The following SPOPL variants were observed in gnomAD, a reference collection of about 807,000 sequenced individuals.
The protein encoded by SPOPL is speckle-type POZ protein-like.
A neutral mutation model predicts 53.8 loss-of-function variants in SPOPL; 23 were observed. The observed-to-expected ratio is 0.43, with a 90% CI of 0.31 to 0.61. The LOEUF is 0.61. Ranked by LOEUF, SPOPL falls within the 20% of genes least tolerant of loss-of-function variation. The pLI is 0.12. For missense variants in SPOPL, 442 were observed against 466.9 expected, an observed-to-expected ratio of 0.95 and a Z score of 0.49; for synonymous variants, 164 against 149.7, an observed-to-expected ratio of 1.10 and a Z score of -0.70.
intron 1 of SPOPL, among the ~76,000 whole-genome samples, chr2:138,541,758 A>T (rs554207619): frequency 2.6e-5 from 4 of 151,844 alleles, no homozygotes; most frequent in Non-Finnish European, 2.9e-5. Context: ...CTGATCTTAG[A>T]TATTTCTTGC....
intron 9 of SPOPL, 42 bp downstream of exon 9, chr2:138,564,892 A>G (rs1236583911): frequency 6.2e-7 from 1 of 1,613,548 alleles, no homozygotes; most frequent in Non-Finnish European, 8.5e-7. Context: ...CAACTTCAAT[A>G]TTTTTTCTCT....
chr2:138,545,574 T>TGA (rs1685175565), intron 1 of SPOPL, among the ~76,000 whole-genome samples: 1 of 148,236 alleles, frequency 6.7e-6, no homozygotes, highest in East Asian at 2.0e-4. Context: ...GCTGGGACTA[T>TGA]AGGCGCCTGC....
At chr2:138,527,589 T>C (rs1311460647) in intron 1 of SPOPL, among the ~76,000 whole-genome samples, 1 of 152,238 alleles carries the variant, frequency 6.6e-6, no homozygotes, top group African/African-American at 2.4e-5. Flanking sequence ...TCAATTGTAC[T>C]TTAAGAGAAA....
intron 1 of SPOPL, among the ~76,000 whole-genome samples, chr2:138,538,350 G>A (rs1053093420): frequency 1.8e-4 from 27 of 152,080 alleles, no homozygotes; most frequent in Admixed American, 1.6e-3. Flanking sequence ...CTTTAATTCT[G>A]TTAGTTTTTG....
intron 10 of SPOPL, among the ~76,000 whole-genome samples, chr2:138,568,014 C>T (rs1685700877): frequency 6.6e-6 from 1 of 152,086 alleles, no homozygotes; most frequent in South Asian, 2.1e-4. Flanking sequence ...GAGTAAGAAA[C>T]CAAACATAAT....
chr2:138,547,227 A>G (rs1004599650), intron 1 of SPOPL, among the ~76,000 whole-genome samples: 2 of 152,128 alleles, frequency 1.3e-5, no homozygotes, highest in Admixed American at 6.5e-5. Flanking sequence ...CAGCCTCCCA[A>G]AGTGCTGGGA....
At position 138,535,418 on chromosome 2, in the gene SPOPL, C is replaced by T. The variant is rs780521063; in HGVS notation, c.-60-14739C>T. On this transcript the variant is annotated intron_variant, in intron 1 of 10. Coordinates refer to ENST00000280098, the MANE Select transcript of SPOPL (RefSeq NM_001001664.3). ...TTCTATGTTTAATTTTTTGAGGAAT[C>T]CTTAAACTGTTTTCCACAGCGGTTA... Among the ~76,000 whole-genome samples the T allele has an allele frequency of 2.6e-5, 4 of 151,988 alleles. No homozygotes were observed. The South Asian group carries it at 8.3e-4, about 31-fold the overall frequency.
chr2:138,567,372 A>AGTGTGTGTGTGTGTGTGTGTGT (rs57208490), intron 10 of SPOPL, among the ~76,000 whole-genome samples: 4 of 113,038 alleles, frequency 3.5e-5, no homozygotes, highest in Non-Finnish European at 3.7e-5. Context: ...AGAGCAGTAT[A>AGTGTGTGTGTGTGTGTGTGTGT]GTGTGTGTGT....
intron 2 of SPOPL, 83 bp downstream of exon 2, chr2:138,550,377 C>A: frequency 6.3e-7 from 1 of 1,588,156 alleles, no homozygotes; most frequent in South Asian, 1.1e-5. Flanking sequence ...AACACTTTGC[C>A]ATAGTTATTA....
chr2:138,545,154 A>C (rs1316636074), intron 1 of SPOPL, among the ~76,000 whole-genome samples: 2 of 152,186 alleles, frequency 1.3e-5, no homozygotes, highest in African/African-American at 4.8e-5. Context: ...CCCTTCAGTC[A>C]GTCCTTCAGG....
chr2:138,512,908 A>G (rs1048148577), intron 1 of SPOPL, among the ~76,000 whole-genome samples: 2 of 152,236 alleles, frequency 1.3e-5, no homozygotes, highest in Admixed American at 6.5e-5. Flanking sequence ...GTACTTAGGC[A>G]TGGTGCCAAG....
chr2:138,515,885 C>A (rs115669200), intron 1 of SPOPL, among the ~76,000 whole-genome samples: 150 of 152,220 alleles, frequency 9.9e-4, no homozygotes, highest in African/African-American at 3.5e-3. Flanking sequence ...GGTAGAGCAG[C>A]CATTTGGTAA....
chr2:138,566,310 A>G (rs577218244), intron 10 of SPOPL, among the ~76,000 whole-genome samples: 1 of 152,272 alleles, frequency 6.6e-6, no homozygotes, highest in Admixed American at 6.5e-5. Context: ...TCAAATGGCA[A>G]TTTATGATCC....
chr2:138,533,836 GAATT>G (rs1321648188), intron 1 of SPOPL, among the ~76,000 whole-genome samples: 1 of 151,928 alleles, frequency 6.6e-6, no homozygotes, highest in Non-Finnish European at 1.5e-5. Context: ...GTTAATTGTA[GAATT>G]AATAAACAAA....
chr2:138,507,044 A>AT (rs2104852844), intron 1 of SPOPL, among the ~76,000 whole-genome samples: 1 of 152,316 alleles, frequency 6.6e-6, no homozygotes, highest in African/African-American at 2.4e-5. Flanking sequence ...GGCCAGTTGA[A>AT]TATTTTGAAT....
At chr2:138,567,082 A>G (rs1685676019) in intron 10 of SPOPL, among the ~76,000 whole-genome samples, 1 of 152,206 alleles carries the variant, frequency 6.6e-6, no homozygotes, top group Non-Finnish European at 1.5e-5. Context: ...CACAGTATAG[A>G]GAATACAGTG....
At chr2:138,554,179 AT>A (rs945253968) in intron 5 of SPOPL, among the ~76,000 whole-genome samples, 14 of 146,224 alleles carry the variant, frequency 9.6e-5, no homozygotes, top group African/African-American at 1.5e-4. Flanking sequence ...TGAAATTAAG[AT>A]TTTTTTTTTG....
intron 1 of SPOPL, among the ~76,000 whole-genome samples, chr2:138,526,818 C>T (rs1458523227): frequency 1.3e-5 from 2 of 151,916 alleles, no homozygotes; most frequent in Non-Finnish European, 2.9e-5. Flanking sequence ...CCTCCACCTC[C>T]TGGGTTCAAA....
At chr2:138,565,951 G>A (rs949676943) in intron 10 of SPOPL, among the ~76,000 whole-genome samples, 2 of 152,074 alleles carry the variant, frequency 1.3e-5, no homozygotes, top group Non-Finnish European at 2.9e-5. Flanking sequence ...AGCCAGGATG[G>A]TCTCGATCTC....
Sources: gnomAD v4.1 joint callset for allele counts (sites outside exome capture counted in the v4.1 genomes callset) on GRCh38, gnomAD v4.1.1 for gene constraint, MANE v1.5 for transcripts, NCBI Gene and HGNC (gene_info 2026-07-23, HGNC 2026-07-21) for gene names.